The following ZNF518A variants were observed in gnomAD, a reference collection of about 807,000 sequenced individuals.
ZNF518A encodes zinc finger protein 518.
Under a neutral mutation model 102.7 loss-of-function variants are expected in ZNF518A, and 47 were observed. The ratio of observed to expected loss-of-function variants is 0.46; its 90% CI spans 0.36 to 0.58. The LOEUF is 0.58. Among genes scored for constraint, ZNF518A ranks in the 20% least tolerant of loss-of-function variants. The pLI is 0.00. For missense variants in ZNF518A, 1,793 were observed against 1,699.8 expected, an observed-to-expected ratio of 1.05 and a Z score of -0.96; for synonymous variants, 652 against 594.6, an observed-to-expected ratio of 1.10 and a Z score of -1.40.
chr10:96,159,485 CCAA>C lies in ZNF518A; in HGVS notation c.3165_3167del (p.Thr1056del), dbSNP rs781801182. 3 of 1,613,818 alleles carry C rather than the reference CCAA, an allele frequency of 1.9e-6. No individual in the cohort carries two copies. The highest frequency in any genetic ancestry group is 3.3e-5 in the Admixed American group (2 of 59,998). ...ATTAAAAGGCCCTTACATTTTGAAACCAACGAGTTCTGTGAAAGCTGTTCTTAT... is the reference window on the plus strand; with the variant it reads ...ATTAAAAGGCCCTTACATTTTGAAACCGAGTTCTGTGAAAGCTGTTCTTAT... On this transcript the variant is annotated inframe_deletion, in exon 6 of 6. Coordinates refer to ENST00000316045, the MANE Select transcript of ZNF518A (RefSeq NM_001330736.2).
At chr10:96,131,295 T>C (rs1554871701) in intron 1 of ZNF518A, among the ~76,000 whole-genome samples, 1 of 152,166 alleles carries the variant, frequency 6.6e-6, no homozygotes, top group Admixed American at 6.5e-5. Context: ...GGGGTCTGAT[T>C]TGAGTGTACT....
At chr10:96,202,031 A>C (rs924697553) in intron 1 of ZNF518A, among the ~76,000 whole-genome samples, 1 of 152,188 alleles carries the variant, frequency 6.6e-6, no homozygotes, top group Non-Finnish European at 1.5e-5. Context: ...TCCCGGGTAG[A>C]GGGAGCTGTG....
intron 1 of ZNF518A, among the ~76,000 whole-genome samples, chr10:96,196,102 TC>T (rs1322915737): frequency 2.0e-5 from 3 of 152,232 alleles, no homozygotes; most frequent in Non-Finnish European, 4.4e-5. Flanking sequence ...TGTACCTTTT[TC>T]TGAAGGAATC....
chr10:96,143,431 A>AT (rs1554877303), intron 3 of ZNF518A, among the ~76,000 whole-genome samples: 1 of 151,892 alleles, frequency 6.6e-6, no homozygotes, highest in Non-Finnish European at 1.5e-5. Flanking sequence ...CTTTTCTTCC[A>AT]TTGTTTCTTT....
downstream of ZNF518A, chr10:96,204,379 T>G (rs587766141): frequency 3.3e-6 from 3 of 913,384 alleles, no homozygotes; most frequent in Non-Finnish European, 3.5e-6. Flanking sequence ...ATTTTAAAGT[T>G]GCTCAACACC....
downstream of ZNF518A, chr10:96,204,741 A>T: frequency 1.2e-6 from 1 of 811,318 alleles, no homozygotes; most frequent in Non-Finnish European, 2.1e-6. Context: ...TGTCTTAGTT[A>T]CTGAGATGTC....
intron 3 of ZNF518A, among the ~76,000 whole-genome samples, chr10:96,142,309 T>G (rs1412373290): frequency 8.3e-4 from 26 of 31,366 alleles, no homozygotes; most frequent in African/African-American, 4.5e-3. Flanking sequence ...TCTTAGGGTG[T>G]GTGTGTGTGT....
intron 1 of ZNF518A, among the ~76,000 whole-genome samples, chr10:96,180,905 T>C (rs1554891971): frequency 6.6e-6 from 1 of 152,208 alleles, no homozygotes; most frequent in Non-Finnish European, 1.5e-5. Context: ...TTCTAGATCC[T>C]TGAGGAATTG....
intron 1 of ZNF518A, among the ~76,000 whole-genome samples, chr10:96,195,252 G>A (rs2083436670): frequency 6.6e-6 from 1 of 152,118 alleles, no homozygotes; most frequent in Non-Finnish European, 1.5e-5. Context: ...AAAAGTATGG[G>A]AGGTTCTCAA....
In ZNF518A at chr10:96,156,887, A is replaced by G. The variant is rs1239998944; in HGVS notation, c.565A>G (p.Thr189Ala). The change falls in exon 6 of 6, where the codon ACT (threonine) becomes GCT (alanine). Residue 189 changes from threonine to alanine, a missense_variant. Thr to Ala is a moderately conservative substitution (Grantham distance 58). Transcript: ENST00000316045. Reference sequence around the variant, plus strand: ...CATTTGTAACAATGAGAGTGTATATACTTTACTGAACTTGACAAAGCATTT... The same window carrying G: ...CATTTGTAACAATGAGAGTGTATATGCTTTACTGAACTTGACAAAGCATTT... ...CDICNNESVY[T>A]LLNLTKHFTS... The G allele has an allele frequency of 6.2e-7, 1 of 1,613,834 alleles. No individual in the cohort carries two copies. Among genetic ancestry groups the G allele is most frequent in the Non-Finnish European group, 8.5e-7 (1 of 1,179,780 alleles).
rs937316186 is a variant in ZNF518A at position 96,156,212 on chromosome 10, A to T, written c.-111A>T. Reference sequence around the variant, plus strand: ...TTAATTTTAGGTGAGTTATTGTGGGAAAAATCCTGTATATTGAAGATGTCT... The same window carrying T: ...TTAATTTTAGGTGAGTTATTGTGGGTAAAATCCTGTATATTGAAGATGTCT... On this transcript the variant is annotated 5_prime_UTR_variant, in exon 6 of 6. Transcript: ENST00000316045. 2.0e-6 allele frequency: 2 copies of T among 1,011,776 alleles called. No individual in the cohort carries two copies. The highest frequency in any genetic ancestry group is 6.0e-5 in the Admixed American group (2 of 33,438). 62.7% of individuals were successfully genotyped at this position (1,011,776 alleles called of 1,614,324 possible). A position where few individuals can be genotyped will look rare whatever the true frequency, so the allele number is the denominator to read the frequency against.
chr10:96,145,898 T>C (rs587702766), intron 3 of ZNF518A, among the ~76,000 whole-genome samples: 1 of 152,240 alleles, frequency 6.6e-6, no homozygotes, highest in Non-Finnish European at 1.5e-5. Flanking sequence ...GCTTGTGCTA[T>C]CATAAGGTAG....
chr10:96,199,840 A>G (rs1308363049), intron 1 of ZNF518A: 1 of 250,284 alleles, frequency 4.0e-6, no homozygotes, highest in Non-Finnish European at 7.7e-6. Flanking sequence ...CCTGGCCAAC[A>G]TGGTAAAACC....
intron 1 of ZNF518A, among the ~76,000 whole-genome samples, chr10:96,184,292 C>T (rs1554892321): frequency 6.6e-6 from 1 of 152,130 alleles, no homozygotes; most frequent in Non-Finnish European, 1.5e-5. Context: ...GGGCATTTAG[C>T]CCATTTACAT....
Position 96,162,078 on chromosome 10 carries a change from G to A in ZNF518A, c.*1304G>A, listed in dbSNP as rs891011286. 3 of 166,832 alleles carry A rather than the reference G, an allele frequency of 1.8e-5. No homozygotes were observed. The highest frequency in any genetic ancestry group is 4.4e-5 in the Non-Finnish European group (3 of 68,006). The allele number at this position is 166,832 out of a possible 1,614,324, so 10.3% of individuals were successfully genotyped here. ...CAAATTACGTGCTATATGATTTTTTGTTACATTGTTACAAGTGTTAATGAC... is the reference window on the plus strand; with the variant it reads ...CAAATTACGTGCTATATGATTTTTTATTACATTGTTACAAGTGTTAATGAC... On this transcript the variant is annotated 3_prime_UTR_variant, in exon 6 of 6. Transcript: ENST00000316045.
At chr10:96,204,743 T>C, downstream of ZNF518A, 1 of 788,470 alleles carries the variant, frequency 1.3e-6, no homozygotes, top group Middle Eastern at 2.3e-4. Context: ...TCTTAGTTAC[T>C]GAGATGTCAT....
chr10:96,131,203 CAGGAT>C (rs2081319528), intron 1 of ZNF518A, among the ~76,000 whole-genome samples: 1 of 152,156 alleles, frequency 6.6e-6, no homozygotes, highest in Admixed American at 6.5e-5. Context: ...ACCAAACTGT[CAGGAT>C]AGGAATTCTA....
chr10:96,130,404 G>C lies in ZNF518A; in HGVS notation c.-801G>C, dbSNP rs1354327217. 1.3e-5 allele frequency among the ~76,000 whole-genome samples: 2 copies of C among 152,198 alleles called. No individual in the cohort carries two copies. Among genetic ancestry groups the C allele is most frequent in the Non-Finnish European group, 2.9e-5 (2 of 68,042 alleles). Reference sequence around the variant, plus strand: ...CTTAACCTGGGGTTGTTTTACTTCCGGGCTTTTTGAACTCTACACTCTCCT... The same window carrying C: ...CTTAACCTGGGGTTGTTTTACTTCCCGGCTTTTTGAACTCTACACTCTCCT... On this transcript the variant is annotated 5_prime_UTR_variant, in exon 1 of 6. Transcript: ENST00000316045.
At chr10:96,152,961 A>T (rs1330903325) in intron 3 of ZNF518A, among the ~76,000 whole-genome samples, 3 of 152,202 alleles carry the variant, frequency 2.0e-5, no homozygotes, top group Non-Finnish European at 2.9e-5. Context: ...TGATGTGATT[A>T]TGGGGGCTGA....
Sources: allele counts gnomAD v4.1 joint callset (sites outside exome capture counted in the v4.1 genomes callset), GRCh38; gene constraint gnomAD v4.1.1; transcripts MANE v1.5; gene names NCBI Gene and HGNC (gene_info 2026-07-23, HGNC 2026-07-21).